CDK5RAP2: variants seen among roughly 807,000 people sequenced by gnomAD.
CDK5RAP2 encodes the protein CDK5 regulatory subunit-associated protein 2.
CDK5RAP2 carries 147 observed loss-of-function variants against 232.9 expected under a neutral mutation model. That is an observed-to-expected ratio of 0.63 (90% CI 0.55 to 0.72). CDK5RAP2 has a LOEUF of 0.72. CDK5RAP2 is among the 30% of genes least tolerant of loss of function. The pLI is 0.00. For synonymous variants in CDK5RAP2, 833 were observed against 833.7 expected, an observed-to-expected ratio of 1.00 and a Z score of 0.01; for missense variants, 2,195 against 2,231.5, an observed-to-expected ratio of 0.98 and a Z score of 0.33.
At chr9:120,454,452 T>C (rs2036641377) in intron 20 of CDK5RAP2, among the ~76,000 whole-genome samples, 1 of 152,234 alleles carries the variant, frequency 6.6e-6, no homozygotes, top group African/African-American at 2.4e-5. Flanking sequence ...CTTCATATTC[T>C]AACTCTACAA....
At chr9:120,507,923 AAAAAAAAAAAAAAAAAAAAATATATATAT>A (rs2039890889) in intron 12 of CDK5RAP2, among the ~76,000 whole-genome samples, 2 of 65,770 alleles carry the variant, frequency 3.0e-5, no homozygotes, top group African/African-American at 9.5e-5. Flanking sequence ...AAAAAAAAAA[AAAAAAAAAAAAAAAAAAAAATATATATAT>A]ATATATATAT....
intron 3 of CDK5RAP2, among the ~76,000 whole-genome samples, chr9:120,558,919 C>T (rs2042350796): frequency 6.6e-6 from 1 of 152,206 alleles, no homozygotes; most frequent in Admixed American, 6.5e-5. Flanking sequence ...ATATAATCCA[C>T]TTAATCTTTC....
At chr9:120,399,828 A>T (rs910649390) in intron 35 of CDK5RAP2, among the ~76,000 whole-genome samples, 7 of 152,222 alleles carry the variant, frequency 4.6e-5, no homozygotes, top group African/African-American at 1.7e-4. Context: ...TAGTGTATCC[A>T]AACTTTGTCC....
chr9:120,460,022 A>C (rs775195836), intron 19 of CDK5RAP2, among the ~76,000 whole-genome samples: 15 of 152,274 alleles, frequency 9.9e-5, no homozygotes, highest in Non-Finnish European at 1.8e-4. Flanking sequence ...AGAGTGCTCT[A>C]TGTGTACGGG....
At chr9:120,560,482 G>A (rs958407797) in intron 3 of CDK5RAP2, among the ~76,000 whole-genome samples, 5 of 152,192 alleles carry the variant, frequency 3.3e-5, no homozygotes, top group African/African-American at 4.8e-5. Flanking sequence ...GGCTGTTGCT[G>A]ACCCTGTGAT....
At chr9:120,401,017 C>T (rs1047754869) in intron 34 of CDK5RAP2, 132 bp from the exon 35 acceptor site, 1 of 846,986 alleles carries the variant, frequency 1.2e-6, no homozygotes, top group Non-Finnish European at 1.9e-6. Flanking sequence ...CCTGGTACCA[C>T]ATAACACCAA....
intron 3 of CDK5RAP2, among the ~76,000 whole-genome samples, chr9:120,565,040 G>A (rs985230516): frequency 6.6e-6 from 1 of 152,188 alleles, no homozygotes; most frequent in Non-Finnish European, 1.5e-5. Flanking sequence ...GAGGATATTA[G>A]ACAATGGATT....
At chr9:120,448,446 T>A (rs1350703702) in intron 21 of CDK5RAP2, among the ~76,000 whole-genome samples, 1 of 152,216 alleles carries the variant, frequency 6.6e-6, no homozygotes, top group African/African-American at 2.4e-5. Context: ...TTGCTCCTTA[T>A]CTATTTCCTT....
rs2041582068 is a variant in CDK5RAP2, at chr9:120,540,407, G to A, written c.384-1243C>T. ...AAATTTTTCCAACTGAGAGCCATGT[G>A]ATCTCTCATATGTACAAGCCATGTG... On this transcript the variant is annotated intron_variant, in intron 5 of 37. Coordinates refer to ENST00000349780, the MANE Select transcript of CDK5RAP2 (RefSeq NM_018249.6). Among the ~76,000 whole-genome samples, 12 of 152,270 alleles carry A rather than the reference G, an allele frequency of 7.9e-5. 1 individual carries two copies. Among genetic ancestry groups the A allele is most frequent in the Admixed American group, 7.8e-4 (12 of 15,290 alleles).
chr9:120,389,135 G>A lies in CDK5RAP2; in HGVS notation c.*101C>T. ...GGAAAAAATAGATTTCCTTTGGCCA[G>A]ACAGCTCTTTCTTCCTCAATAAATA... On this transcript the variant is annotated 3_prime_UTR_variant, in exon 38 of 38. Transcript: ENST00000349780. 1.0e-6 allele frequency: 1 copy of A among 1,001,634 alleles called. No homozygotes were observed. The highest frequency in any genetic ancestry group is 1.5e-6 in the Non-Finnish European group (1 of 650,850). 62.0% of individuals were successfully genotyped at this position (1,001,634 alleles called of 1,614,324 possible).
chr9:120,532,081 T>C (rs1444459856), intron 7 of CDK5RAP2, among the ~76,000 whole-genome samples: 1 of 151,880 alleles, frequency 6.6e-6, no homozygotes, highest in Admixed American at 6.6e-5. Flanking sequence ...TGGTGGGGAC[T>C]CCTGTGGCCA....
At position 120,437,375 on chromosome 9, in the gene CDK5RAP2, T is replaced by A. The variant is rs1487432200; in HGVS notation, c.3875A>T (p.Tyr1292Phe). 1.2e-6 allele frequency: 2 copies of A among 1,614,022 alleles called. No individual in the cohort carries two copies. Among genetic ancestry groups the A allele is most frequent in the Admixed American group, 3.3e-5 (2 of 60,004 alleles). ...EELLQASDVD[Y>F]CVAEGFQEQL... is the part of the protein sequence containing the mutation. Reference sequence around the variant, plus strand: ...TTCCTGGAAACCCTCGGCCACACAGTAATCCACATCACTGGCCTGCAGCAA... The same window carrying A: ...TTCCTGGAAACCCTCGGCCACACAGAAATCCACATCACTGGCCTGCAGCAA... Residue 1292 changes from tyrosine to phenylalanine, a missense_variant, in exon 25 of 38, where the codon TAC (tyrosine) becomes TTC (phenylalanine). Physicochemically the swap from Tyr to Phe is conservative, Grantham distance 22. Coordinates refer to ENST00000349780, the MANE Select transcript of CDK5RAP2 (RefSeq NM_018249.6).
rs538112218 is a variant in CDK5RAP2, at chr9:120,434,592, C to G, written c.3955+2703G>C. On this transcript the variant is annotated intron_variant, in intron 25 of 37. Coordinates refer to ENST00000349780, the MANE Select transcript of CDK5RAP2 (RefSeq NM_018249.6). ...CAGCATCCAGGTGAGAGAAGAGAGG[C>G]GAGCTGAAGCGGTGGCAGCAATAAT... Among the ~76,000 whole-genome samples the G allele has an allele frequency of 3.2e-4, 48 of 152,126 alleles. No individual in the cohort carries two copies. The Middle Eastern group carries it at 0.017, about 54-fold the overall frequency.
At chr9:120,499,024 C>G (rs2039450537) in intron 12 of CDK5RAP2, among the ~76,000 whole-genome samples, 1 of 152,142 alleles carries the variant, frequency 6.6e-6, no homozygotes, top group Non-Finnish European at 1.5e-5. Context: ...GGATTACAGG[C>G]ATGAGCCACC....
At chr9:120,513,505 A>G (rs1012507578) in intron 12 of CDK5RAP2, among the ~76,000 whole-genome samples, 3 of 151,942 alleles carry the variant, frequency 2.0e-5, no homozygotes, top group Non-Finnish European at 4.4e-5. Context: ...TCTTCCCCAA[A>G]ATCACCATAC....
intron 32 of CDK5RAP2, among the ~76,000 whole-genome samples, chr9:120,405,148 C>T (rs2033347917): frequency 6.6e-6 from 1 of 152,184 alleles, no homozygotes. Flanking sequence ...AGGAGGTCAG[C>T]TCCATAGAGC....
At chr9:120,498,256 C>T (rs1466663117) in intron 12 of CDK5RAP2, among the ~76,000 whole-genome samples, 1 of 152,172 alleles carries the variant, frequency 6.6e-6, no homozygotes, top group Non-Finnish European at 1.5e-5. Context: ...CACTTTCTCT[C>T]TCAAACTGTC....
intron 27 of CDK5RAP2, among the ~76,000 whole-genome samples, chr9:120,418,630 AAATGACCAAG>A (rs1386852310): frequency 6.6e-6 from 1 of 152,246 alleles, no homozygotes; most frequent in East Asian, 1.9e-4. Flanking sequence ...GCAGAGCCAG[AAATGACCAAG>A]AAAAACCAAG....
intron 14 of CDK5RAP2, among the ~76,000 whole-genome samples, chr9:120,486,165 G>A (rs1279953866): frequency 2.0e-5 from 3 of 152,118 alleles, no homozygotes; most frequent in Non-Finnish European, 2.9e-5. Flanking sequence ...GAGGTCCCTA[G>A]TAGTTTTTAA....
Sources: gnomAD v4.1 joint callset for allele counts (sites outside exome capture counted in the v4.1 genomes callset) on GRCh38, gnomAD v4.1.1 for gene constraint, MANE v1.5 for transcripts, NCBI Gene and HGNC (gene_info 2026-07-23, HGNC 2026-07-21) for gene names.